The following GADL1 variants were observed in gnomAD, a reference collection of about 807,000 sequenced individuals.
GADL1 encodes acidic amino acid decarboxylase GADL1.
A neutral mutation model predicts 69.5 loss-of-function variants in GADL1; 71 were observed. That is an observed-to-expected ratio of 1.02 (90% CI 0.84 to 1.25). GADL1 has a LOEUF of 1.25. GADL1 is among the 50% of genes most tolerant of loss of function. GADL1 has a pLI of 0.00. For missense variants in GADL1, 737 were observed against 631.8 expected (o/e 1.17, Z -1.79); for synonymous variants, 254 against 214.4 (o/e 1.18, Z -1.62).
At chr3:30,796,091 C>T (rs918035150) in intron 12 of GADL1, among the ~76,000 whole-genome samples, 18 of 152,122 alleles carry the variant, frequency 1.2e-4, no homozygotes, top group African/African-American at 4.1e-4. Context: ...CTAAATTCCA[C>T]CCTGAGATGA....
At chr3:30,798,512 C>T (rs1311087418) in intron 12 of GADL1, 1 of 152,218 alleles carries the variant, frequency 6.6e-6, no homozygotes, top group Admixed American at 6.5e-5. Flanking sequence ...TTATCTCCCA[C>T]TGCGTCCCGC....
intron 14 of GADL1, among the ~76,000 whole-genome samples, chr3:30,762,375 T>TTCA (rs1199283203): frequency 1.7e-4 from 26 of 152,320 alleles, no homozygotes; most frequent in African/African-American, 6.3e-4. Flanking sequence ...CATGCGATTT[T>TTCA]TGAATTGTCA....
At chr3:30,867,637 A>C (rs1267167430) in intron 1 of GADL1, among the ~76,000 whole-genome samples, 1 of 151,880 alleles carries the variant, frequency 6.6e-6, no homozygotes, top group Non-Finnish European at 1.5e-5. Flanking sequence ...ACTAGTGAGT[A>C]GTGAAACTGA....
intron 8 of GADL1, among the ~76,000 whole-genome samples, chr3:30,839,317 G>T (rs1697925522): frequency 6.6e-6 from 1 of 151,748 alleles, no homozygotes; most frequent in Non-Finnish European, 1.5e-5. Flanking sequence ...AAAATGCTAT[G>T]GCAATAGCAT....
intron 14 of GADL1, among the ~76,000 whole-genome samples, chr3:30,750,528 T>C (rs1695792323): frequency 6.6e-6 from 1 of 152,154 alleles, no homozygotes; most frequent in Non-Finnish European, 1.5e-5. Context: ...GGCAAGGTTA[T>C]GAGAAATGCC....
At chr3:30,877,777 A>G (rs958034918) in intron 1 of GADL1, among the ~76,000 whole-genome samples, 26 of 152,058 alleles carry the variant, frequency 1.7e-4, no homozygotes, top group African/African-American at 6.3e-4. Flanking sequence ...TAAAGGGGCA[A>G]AATCTGAAGT....
Position 30,728,021 on chromosome 3 carries a change from C to CTTT in GADL1, c.*220_*221insAAA. The CTTT allele has an allele frequency of 4.8e-6, 2 of 412,978 alleles. No individual in the cohort carries two copies. Among genetic ancestry groups the CTTT allele is most frequent in the Non-Finnish European group, 4.4e-6 (1 of 228,316 alleles). The allele number at this position is 412,978 out of a possible 1,614,324, so 25.6% of individuals were successfully genotyped here. A position where few individuals can be genotyped will look rare whatever the true frequency, so the allele number is the denominator to read the frequency against. ...TTCCAGGGGCATTCCTTGAGAAAATCATTTTTTTTTTTAAACTTTCTTCTT... is the reference window on the plus strand; with the variant it reads ...TTCCAGGGGCATTCCTTGAGAAAATCTTTATTTTTTTTTTTAAACTTTCTTCTT... On this transcript the variant is annotated 3_prime_UTR_variant, in exon 15 of 15. Transcript: ENST00000282538.
intron 1 of GADL1, among the ~76,000 whole-genome samples, chr3:30,862,045 C>G (rs1458925158): frequency 1.3e-5 from 2 of 151,782 alleles, no homozygotes; most frequent in Non-Finnish European, 1.5e-5. Flanking sequence ...AGTATATGAC[C>G]TCCTAATTCA....
At chr3:30,815,240 T>G (rs6802516) in intron 11 of GADL1, among the ~76,000 whole-genome samples, 79,724 of 151,954 alleles carry the variant, frequency 0.52, 24,091 homozygotes, top group African/African-American at 0.83. Flanking sequence ...GTTAAATTTG[T>G]GTTCATTTTC....
chr3:30,848,767 A>C (rs972094023), intron 6 of GADL1, among the ~76,000 whole-genome samples: 1 of 152,182 alleles, frequency 6.6e-6, no homozygotes, highest in East Asian at 1.9e-4. Flanking sequence ...TTAATATTTT[A>C]AAAAATCTAT....
rs1696740243 is a variant in GADL1, at chr3:30,784,297, C to T, written c.1302+2058G>A. Among the ~76,000 whole-genome samples, 3 of 152,100 alleles carry T rather than the reference C, an allele frequency of 2.0e-5. No individual in the cohort carries two copies. The South Asian group carries it at 6.2e-4, about 32-fold the overall frequency. On this transcript the variant is annotated intron_variant, in intron 13 of 14. Transcript: ENST00000282538. ...TGGGATTTCAACAAGGTCCATATGC[C>T]TTATTTGGTTATGCCTCTTCGGTCT...
At chr3:30,874,962 T>C (rs1698557258) in intron 1 of GADL1, among the ~76,000 whole-genome samples, 1 of 151,902 alleles carries the variant, frequency 6.6e-6, no homozygotes, top group African/African-American at 2.4e-5. Flanking sequence ...CTCACACAAC[T>C]GCATCCAACC....
At chr3:30,831,072 C>T (rs1339531151) in intron 11 of GADL1, among the ~76,000 whole-genome samples, 1 of 151,966 alleles carries the variant, frequency 6.6e-6, no homozygotes. Context: ...TACTGCAAGC[C>T]TTTTTCTTAG....
intron 1 of GADL1, among the ~76,000 whole-genome samples, chr3:30,871,546 G>C (rs1360423198): frequency 6.6e-6 from 1 of 151,790 alleles, no homozygotes; most frequent in African/African-American, 2.4e-5. Flanking sequence ...ATGATCATTA[G>C]ATAAAAAGTG....
In GADL1 at chr3:30,859,288, G is replaced by A. The variant is rs150857343; in HGVS notation, c.211-2147C>T. On this transcript the variant is annotated intron_variant, in intron 2 of 14. Coordinates refer to ENST00000282538, the MANE Select transcript of GADL1 (RefSeq NM_207359.3). The stretch of plus-strand genomic sequence containing the variant: ...TGCAAGTAGTATGAAATTAAACTAT[G>A]ATGCTATAACCATGACAGGCAGAGG... Among the ~76,000 whole-genome samples, 407 of 152,060 alleles carry A rather than the reference G, an allele frequency of 2.7e-3. 2 individuals are homozygous for A. The Middle Eastern group carries it at 0.034, about 13-fold the overall frequency.
intron 1 of GADL1, among the ~76,000 whole-genome samples, chr3:30,877,352 G>C (rs1316226751): frequency 1.3e-5 from 2 of 151,864 alleles, no homozygotes; most frequent in Non-Finnish European, 2.9e-5. Flanking sequence ...GGGCAAAACT[G>C]TCATCAAACT....
intron 1 of GADL1, among the ~76,000 whole-genome samples, chr3:30,877,567 C>G (rs565609990): frequency 3.3e-4 from 50 of 151,896 alleles, no homozygotes; most frequent in African/African-American, 1.2e-3. Flanking sequence ...AAATACATTG[C>G]TTGGGTATAT....
At chr3:30,863,215 T>C (rs1443281063) in intron 1 of GADL1, among the ~76,000 whole-genome samples, 2 of 152,018 alleles carry the variant, frequency 1.3e-5, no homozygotes, top group African/African-American at 4.8e-5. Context: ...TGTTCCTCTA[T>C]ATTACAGATA....
chr3:30,762,271 G>C (rs1055039783), intron 14 of GADL1, among the ~76,000 whole-genome samples: 6 of 152,124 alleles, frequency 3.9e-5, no homozygotes, highest in Non-Finnish European at 5.9e-5. Flanking sequence ...CAGTAATCTA[G>C]GTGAGAAAAG....
Sources: gnomAD v4.1 joint callset for allele counts (sites outside exome capture counted in the v4.1 genomes callset) on GRCh38, gnomAD v4.1.1 for gene constraint, MANE v1.5 for transcripts, NCBI Gene and HGNC (gene_info 2026-07-23, HGNC 2026-07-21) for gene names.